TMTC2: variants seen among roughly 807,000 people sequenced by gnomAD.
The protein encoded by TMTC2 is transmembrane O-mannosyltransferase targeting cadherins 2.
In TMTC2, 43 loss-of-function variants were observed where a neutral mutation model predicts 82.4. The observed-to-expected ratio is 0.52, with a 90% CI of 0.41 to 0.67. TMTC2 has a LOEUF of 0.67. TMTC2 is among the 30% of genes least tolerant of loss of function. The pLI is 0.00. For missense variants in TMTC2, 919 were observed against 1,012.4 expected, an observed-to-expected ratio of 0.91 and a Z score of 1.25; for synonymous variants, 408 against 381.9, an observed-to-expected ratio of 1.07 and a Z score of -0.80.
chr12:83,050,896 C>T lies in TMTC2; in HGVS notation c.2153-8C>T, dbSNP rs1388913335. 1 of 1,600,902 alleles carries T rather than the reference C, an allele frequency of 6.2e-7. No individual in the cohort carries two copies. The highest frequency in any genetic ancestry group is 2.2e-5 in the East Asian group (1 of 44,668). ...GAGTTGAAGCTCACTGGTTTTTATA[C>T]TTTTCAGGTCAGTTTCTTCTGGAAG... On this transcript the variant is annotated splice_region_variant and splice_polypyrimidine_tract_variant and intron_variant, in intron 9 of 11. Coordinates refer to ENST00000321196, the MANE Select transcript of TMTC2 (RefSeq NM_152588.3).
intron 8 of TMTC2, among the ~76,000 whole-genome samples, chr12:82,992,968 C>T (rs1879459911): frequency 1.3e-5 from 2 of 152,098 alleles, no homozygotes; most frequent in East Asian, 1.9e-4. Flanking sequence ...CATATATATG[C>T]TGCTTTGTTT....
chr12:82,876,094 A>ATAATGGTGGTGGTGGTGGTGGTATTAG (rs1872531642), intron 2 of TMTC2, among the ~76,000 whole-genome samples: 3 of 117,176 alleles, frequency 2.6e-5, no homozygotes, highest in African/African-American at 1.2e-4. Flanking sequence ...ATTAGTATTC[A>ATAATGGTGGTGGTGGTGGTGGTATTAG]TAATGGTGGT....
At chr12:82,786,640 CTT>C (rs1878189138) in intron 1 of TMTC2, among the ~76,000 whole-genome samples, 1 of 152,072 alleles carries the variant, frequency 6.6e-6, no homozygotes, top group African/African-American at 2.4e-5. Context: ...TTTTTAGACT[CTT>C]ATTACTGGGA....
At chr12:82,841,866 G>A (rs1332183355) in intron 1 of TMTC2, among the ~76,000 whole-genome samples, 1 of 152,164 alleles carries the variant, frequency 6.6e-6, no homozygotes, top group Non-Finnish European at 1.5e-5. Context: ...ACCTTCTTTT[G>A]ACTCAAGTTT....
intron 1 of TMTC2, among the ~76,000 whole-genome samples, chr12:82,708,229 A>C (rs1873462347): frequency 6.6e-6 from 1 of 152,202 alleles, no homozygotes; most frequent in Non-Finnish European, 1.5e-5. Flanking sequence ...GAAACACATA[A>C]TTTTAAAACT....
Position 83,021,482 on chromosome 12 carries a change from C to T in TMTC2, c.2071-9316C>T, listed in dbSNP as rs143270748. On this transcript the variant is annotated intron_variant, in intron 8 of 11. Transcript: ENST00000321196. ...TAGTGGTGTGCACCTGTAGTCCAAGCGACTTGGGAAGCTGAGTCGGGAGGG... is the reference window on the plus strand; with the variant it reads ...TAGTGGTGTGCACCTGTAGTCCAAGTGACTTGGGAAGCTGAGTCGGGAGGG... 6.9e-3 allele frequency among the ~76,000 whole-genome samples: 1,043 copies of T among 152,136 alleles called. 12 individuals are homozygous for T. Among genetic ancestry groups the T allele is most frequent in the African/African-American group, 0.024 (993 of 41,500 alleles).
intron 8 of TMTC2, among the ~76,000 whole-genome samples, chr12:82,998,323 A>T (rs1879758681): frequency 6.6e-6 from 1 of 152,202 alleles, no homozygotes; most frequent in Non-Finnish European, 1.5e-5. Flanking sequence ...TCTTATTAAC[A>T]TCGAGGCTAG....
At chr12:83,058,638 C>T (rs951193459) in intron 10 of TMTC2, among the ~76,000 whole-genome samples, 7 of 151,846 alleles carry the variant, frequency 4.6e-5, no homozygotes, top group South Asian at 2.1e-4. Flanking sequence ...GCATGTTAAA[C>T]GGAGCAAGTT....
At chr12:83,011,011 T>G (rs891394450) in intron 8 of TMTC2, among the ~76,000 whole-genome samples, 1 of 152,050 alleles carries the variant, frequency 6.6e-6, no homozygotes, top group African/African-American at 2.4e-5. Flanking sequence ...ATTTTTGGGT[T>G]TTTAGTAGAG....
chr12:82,782,572 C>A (rs931519579), intron 1 of TMTC2, among the ~76,000 whole-genome samples: 2 of 152,096 alleles, frequency 1.3e-5, no homozygotes, highest in Non-Finnish European at 2.9e-5. Context: ...GATGTTTGTA[C>A]AAGTCAAAGA....
At chr12:82,976,084 G>A (rs61931386) in intron 7 of TMTC2, among the ~76,000 whole-genome samples, 4,554 of 152,074 alleles carry the variant, frequency 0.03, 104 homozygotes, top group Non-Finnish European at 0.047. Context: ...ACACTCACAC[G>A]TGCACATGCA....
At chr12:82,693,570 A>G (rs189209231) in intron 1 of TMTC2, among the ~76,000 whole-genome samples, 1 of 152,320 alleles carries the variant, frequency 6.6e-6, no homozygotes, top group East Asian at 1.9e-4. Flanking sequence ...GTCCAAAAAG[A>G]TGCAGCTCTT....
chr12:83,048,539 C>G lies in TMTC2; in HGVS notation c.2153-2365C>G, dbSNP rs552141874. Reference sequence around the variant, plus strand: ...AGAAATAGATGAGTGATCTCCAAGTCTTAGTCTTAAAATTTTGTCACTTGC... The same window carrying G: ...AGAAATAGATGAGTGATCTCCAAGTGTTAGTCTTAAAATTTTGTCACTTGC... On this transcript the variant is annotated intron_variant, in intron 9 of 11. Transcript: ENST00000321196. Among the ~76,000 whole-genome samples, 5 of 152,140 alleles carry G rather than the reference C, an allele frequency of 3.3e-5. No individual in the cohort carries two copies. The South Asian group carries it at 1.0e-3, about 32-fold the overall frequency.
intron 10 of TMTC2, among the ~76,000 whole-genome samples, chr12:83,058,297 AAAAC>A (rs1245873492): frequency 2.0e-5 from 3 of 151,884 alleles, no homozygotes; most frequent in African/African-American, 7.2e-5. Flanking sequence ...TGATGGTAAA[AAAAC>A]AAAACCAACC....
intron 3 of TMTC2, among the ~76,000 whole-genome samples, chr12:82,898,874 G>A (rs1485557484): frequency 2.6e-5 from 4 of 152,154 alleles, no homozygotes; most frequent in African/African-American, 4.8e-5. Context: ...AAAGGAGAGG[G>A]CAAATACTCA....
chr12:82,728,302 A>T (rs1432159905), intron 1 of TMTC2, among the ~76,000 whole-genome samples: 1 of 152,232 alleles, frequency 6.6e-6, no homozygotes, highest in Middle Eastern at 3.4e-3. Context: ...ACTCTTACTT[A>T]AAATTAATTT....
intron 8 of TMTC2, among the ~76,000 whole-genome samples, chr12:83,009,789 A>G (rs559832180): frequency 2.6e-5 from 4 of 152,244 alleles, no homozygotes; most frequent in East Asian, 1.9e-4. Flanking sequence ...ATGGAAGACA[A>G]TGTTTCCATG....
At chr12:82,690,697 C>T (rs758341460) in intron 1 of TMTC2, among the ~76,000 whole-genome samples, 21 of 152,164 alleles carry the variant, frequency 1.4e-4, no homozygotes, top group Non-Finnish European at 2.8e-4. Context: ...GTTTCAGCTT[C>T]ATCCTCCCTC....
chr12:83,087,815 A>G lies in TMTC2; in HGVS notation c.2331+25984A>G, dbSNP rs1401233116. 2.7e-5 allele frequency among the ~76,000 whole-genome samples: 4 copies of G among 150,870 alleles called. No homozygotes were observed. In the East Asian group the frequency reaches 7.8e-4, roughly 29 times the overall value. On this transcript the variant is annotated intron_variant, in intron 11 of 11. Coordinates refer to ENST00000321196, the MANE Select transcript of TMTC2 (RefSeq NM_152588.3). ...TTCCATTTATAGAGCACAAGAGGAG[A>G]TTTAGTGTAATTTGTAAGGGCCCTA...
Sources: allele counts gnomAD v4.1 joint callset (sites outside exome capture counted in the v4.1 genomes callset), GRCh38; gene constraint gnomAD v4.1.1; transcripts MANE v1.5; gene names NCBI Gene and HGNC (gene_info 2026-07-23, HGNC 2026-07-21).